Variants in RGS6 observed in about 807,000 individuals in gnomAD.
The protein encoded by RGS6 is regulator of G protein signaling 6, also known as regulator of G-protein signaling 6.
Under a neutral mutation model 78.5 loss-of-function variants are expected in RGS6, and 30 were observed. The ratio of observed to expected loss-of-function variants is 0.38; its 90% CI spans 0.29 to 0.52. The LOEUF is 0.52. RGS6 is among the 20% of genes least tolerant of loss of function. The pLI is 0.85. For missense variants in RGS6, 495 were observed against 609.7 expected (o/e 0.81, Z 1.98); for synonymous variants, 206 against 206.0 (o/e 1.00, Z 0.00).
rs112122953 is a variant in RGS6 at position 72,284,399 on chromosome 14, C to T, written c.85-67696C>T. On this transcript the variant is annotated intron_variant, in intron 2 of 17. Transcript: ENST00000553525. ...ATGTGCAGCTTAGGGACTTGGTGCC[C>T]GGCATCCTAGCCATTTTAGCCATGG... Among the ~76,000 whole-genome samples the T allele has an allele frequency of 2.2e-3, 340 of 152,298 alleles. 3 individuals carry two copies. The highest frequency in any genetic ancestry group is 7.4e-3 in the African/African-American group (306 of 41,574).
chr14:72,260,663 G>A (rs2057996706), intron 2 of RGS6, among the ~76,000 whole-genome samples: 1 of 152,170 alleles, frequency 6.6e-6, no homozygotes, highest in African/African-American at 2.4e-5. Flanking sequence ...TAGGGGTTAT[G>A]GCAACCATGG....
intron 2 of RGS6, among the ~76,000 whole-genome samples, chr14:72,209,810 G>C (rs147634731): frequency 2.0e-5 from 3 of 152,260 alleles, no homozygotes; most frequent in East Asian, 3.9e-4. Flanking sequence ...TATTGTTTTA[G>C]GTTAGTTTCT....
intron 2 of RGS6, among the ~76,000 whole-genome samples, chr14:72,277,158 G>C (rs1172456045): frequency 6.6e-6 from 1 of 152,218 alleles, no homozygotes; most frequent in African/African-American, 2.4e-5. Context: ...TTTGTGAGCA[G>C]TGCTGGAGCT....
chr14:72,301,445 G>A (rs1460272307), intron 2 of RGS6, among the ~76,000 whole-genome samples: 2 of 152,054 alleles, frequency 1.3e-5, no homozygotes, highest in East Asian at 1.9e-4. Flanking sequence ...AGTTGATAGA[G>A]TCATGTCTTA....
intron 2 of RGS6, among the ~76,000 whole-genome samples, chr14:72,262,898 C>T (rs531161599): frequency 6.6e-6 from 1 of 152,226 alleles, no homozygotes; most frequent in South Asian, 2.1e-4. Flanking sequence ...ATGTTGGCCC[C>T]TCCTCAGGAG....
chr14:72,042,129 C>CTTTT (rs202194668), intron 2 of RGS6, among the ~76,000 whole-genome samples: 1 of 134,540 alleles, frequency 7.4e-6, no homozygotes, highest in Non-Finnish European at 1.6e-5. Flanking sequence ...TTTTCTTTTT[C>CTTTT]TTTTTTTTTT....
intron 2 of RGS6, among the ~76,000 whole-genome samples, chr14:72,321,130 C>T (rs780086251): frequency 8.7e-4 from 132 of 151,766 alleles, no homozygotes; most frequent in Non-Finnish European, 1.5e-3. Flanking sequence ...ATTTGTATTG[C>T]TTTTAGTGGA....
the RGS6 span, among the ~76,000 whole-genome samples, chr14:71,881,357 C>T: frequency 1.3e-5 from 2 of 152,120 alleles, no homozygotes; most frequent in African/African-American, 4.8e-5. Flanking sequence ...AATGTGAGAA[C>T]ATGAGATTTG....
At chr14:72,287,777 A>G (rs73304918) in intron 2 of RGS6, among the ~76,000 whole-genome samples, 5,894 of 152,294 alleles carry the variant, frequency 0.039, 346 homozygotes, top group African/African-American at 0.13. Context: ...ATATTGAGGT[A>G]AATTCCTTCT....
At chr14:72,358,327 C>A (rs2080787934) in intron 3 of RGS6, among the ~76,000 whole-genome samples, 1 of 152,176 alleles carries the variant, frequency 6.6e-6, no homozygotes, top group African/African-American at 2.4e-5. Context: ...GGCCACTGTC[C>A]TCCAGACTCC....
At chr14:72,529,259 A>G (rs901440084) in intron 15 of RGS6, among the ~76,000 whole-genome samples, 2 of 152,150 alleles carry the variant, frequency 1.3e-5, no homozygotes, top group Admixed American at 1.3e-4. Flanking sequence ...AGATCCGCAG[A>G]GGTTCTCAGA....
chr14:72,555,623 C>CAA (rs1017251756), intron 17 of RGS6, among the ~76,000 whole-genome samples: 5 of 152,144 alleles, frequency 3.3e-5, no homozygotes, highest in African/African-American at 7.2e-5. Context: ...CAGCCATGTG[C>CAA]AAAGTAAGAG....
chr14:72,267,851 C>G (rs561316666), intron 2 of RGS6, among the ~76,000 whole-genome samples: 9 of 152,204 alleles, frequency 5.9e-5, no homozygotes, highest in Non-Finnish European at 1.0e-4. Context: ...TTTGTCCTCA[C>G]AGCCAATTAA....
chr14:72,401,186 C>T (rs2092354241), intron 3 of RGS6, among the ~76,000 whole-genome samples: 1 of 152,046 alleles, frequency 6.6e-6, no homozygotes, highest in South Asian at 2.1e-4. Context: ...GAGCACAAAT[C>T]CCTGATGTAA....
chr14:71,906,341 C>A, the RGS6 span, among the ~76,000 whole-genome samples: 7 of 152,302 alleles, frequency 4.6e-5, no homozygotes, highest in African/African-American at 1.7e-4. Context: ...CTGTTCACCT[C>A]CTGGCTCCAG....
chr14:71,993,572 A>G (rs72735952), intron 2 of RGS6, among the ~76,000 whole-genome samples: 25,047 of 152,178 alleles, frequency 0.16, 2,139 homozygotes, highest in East Asian at 0.21. Flanking sequence ...AACACAGAAG[A>G]GTTAAGTGGC....
At chr14:72,295,392 G>A (rs948308754) in intron 2 of RGS6, among the ~76,000 whole-genome samples, 4 of 152,102 alleles carry the variant, frequency 2.6e-5, no homozygotes, top group African/African-American at 9.7e-5. Flanking sequence ...CAGCTGGAGA[G>A]GAAAGACAAG....
chr14:72,486,078 A>C (rs1379048432), intron 12 of RGS6, among the ~76,000 whole-genome samples: 1 of 131,110 alleles, frequency 7.6e-6, no homozygotes, highest in South Asian at 2.8e-4. Flanking sequence ...TTCTCATGAG[A>C]CCTGATGGCT....
chr14:72,300,894 G>A (rs1272168062), intron 2 of RGS6, among the ~76,000 whole-genome samples: 1 of 152,232 alleles, frequency 6.6e-6, no homozygotes, highest in African/African-American at 2.4e-5. Context: ...TACACTGAAA[G>A]AGATCTTGAT....
Sources: allele counts gnomAD v4.1 joint callset (sites outside exome capture counted in the v4.1 genomes callset), GRCh38; gene constraint gnomAD v4.1.1; transcripts MANE v1.5; gene names NCBI Gene and HGNC (gene_info 2026-07-23, HGNC 2026-07-21).